NELL1: variants seen among roughly 807,000 people sequenced by gnomAD.
NELL1 encodes the protein neural EGFL like 1.
Under a neutral mutation model 107.4 loss-of-function variants are expected in NELL1, and 76 were observed. That is an observed-to-expected ratio of 0.71 (90% CI 0.59 to 0.86). The LOEUF is 0.86. Ranked by LOEUF, NELL1 falls within the 40% of genes least tolerant of loss-of-function variation. NELL1 has a pLI of 0.00. For missense variants in NELL1, 1,024 were observed against 1,005.5 expected (o/e 1.02, Z -0.25); for synonymous variants, 353 against 341.2 (o/e 1.03, Z -0.38).
At chr11:21,451,675 T>A (rs1590942714) in intron 15 of NELL1, among the ~76,000 whole-genome samples, 2 of 152,218 alleles carry the variant, frequency 1.3e-5, no homozygotes, top group Non-Finnish European at 2.9e-5. Context: ...AATGATTAAA[T>A]GTAGACTGAA....
chr11:21,386,989 G>A (rs562862218), intron 15 of NELL1, among the ~76,000 whole-genome samples: 2 of 151,830 alleles, frequency 1.3e-5, no homozygotes, highest in South Asian at 2.1e-4. Context: ...AATCCAGAAG[G>A]TGAGCATTGA....
At chr11:21,268,075 C>A (rs10833485) in intron 14 of NELL1, among the ~76,000 whole-genome samples, 29,207 of 152,038 alleles carry the variant, frequency 0.19, 3,463 homozygotes, top group East Asian at 0.4. Flanking sequence ...TGCTGCCCCC[C>A]AAACTGGAAA....
At chr11:20,878,285 T>G (rs372320935) in intron 4 of NELL1, among the ~76,000 whole-genome samples, 14 of 134,056 alleles carry the variant, frequency 1.0e-4, no homozygotes, top group African/African-American at 2.7e-4. Context: ...TGTGAACCCG[T>G]GAGGTGGAGC....
chr11:20,929,863 T>G (rs1850580220), intron 9 of NELL1, among the ~76,000 whole-genome samples: 1 of 151,800 alleles, frequency 6.6e-6, no homozygotes, highest in Non-Finnish European at 1.5e-5. Flanking sequence ...TTCCAGCTAT[T>G]CTGGAGGCTG....
chr11:21,034,659 A>G (rs1853044734), intron 12 of NELL1, among the ~76,000 whole-genome samples: 1 of 152,192 alleles, frequency 6.6e-6, no homozygotes. Flanking sequence ...TTGGGTAAAT[A>G]ATGAAATTAA....
intron 9 of NELL1, among the ~76,000 whole-genome samples, chr11:20,936,148 C>T (rs755061544): frequency 1.6e-4 from 25 of 152,202 alleles, no homozygotes; most frequent in Admixed American, 9.2e-4. Flanking sequence ...CAGCAAATGC[C>T]GAACTCATTC....
At chr11:21,312,766 A>G (rs1203732377) in intron 14 of NELL1, among the ~76,000 whole-genome samples, 2 of 152,190 alleles carry the variant, frequency 1.3e-5, no homozygotes, top group Non-Finnish European at 2.9e-5. Context: ...AGTGAAATAG[A>G]CAGGAATGGA....
At chr11:21,226,921 T>C (rs1857908169) in intron 13 of NELL1, among the ~76,000 whole-genome samples, 1 of 152,002 alleles carries the variant, frequency 6.6e-6, no homozygotes, top group Non-Finnish European at 1.5e-5. Flanking sequence ...CGAAACAACA[T>C]GAAAAACTAG....
intron 12 of NELL1, among the ~76,000 whole-genome samples, chr11:21,024,468 C>T (rs1852770166): frequency 6.6e-6 from 1 of 152,094 alleles, no homozygotes; most frequent in Admixed American, 6.6e-5. Context: ...CCAATTCTAC[C>T]ACTTTGAAGT....
At chr11:21,515,421 TG>T (rs1855533193) in intron 15 of NELL1, among the ~76,000 whole-genome samples, 1 of 152,144 alleles carries the variant, frequency 6.6e-6, no homozygotes, top group African/African-American at 2.4e-5. Flanking sequence ...TAATTCTCTG[TG>T]GGGGGCCTTC....
intron 6 of NELL1, among the ~76,000 whole-genome samples, chr11:20,918,820 A>C (rs1190061102): frequency 1.3e-5 from 2 of 151,960 alleles, no homozygotes; most frequent in African/African-American, 4.8e-5. Context: ...ATTGAACTAA[A>C]ATTTGAAAAG....
intron 13 of NELL1, among the ~76,000 whole-genome samples, chr11:21,125,296 G>A (rs889331669): frequency 6.6e-6 from 1 of 152,034 alleles, no homozygotes; most frequent in Non-Finnish European, 1.5e-5. Context: ...CATACATTCC[G>A]GTCTTCCCCC....
chr11:21,450,803 A>G (rs924001437), intron 15 of NELL1, among the ~76,000 whole-genome samples: 2 of 151,680 alleles, frequency 1.3e-5, no homozygotes, highest in African/African-American at 4.9e-5. Context: ...CTTAACATTA[A>G]TATAATATTT....
At chr11:21,344,281 G>C (rs1850638604) in intron 14 of NELL1, among the ~76,000 whole-genome samples, 1 of 152,184 alleles carries the variant, frequency 6.6e-6, no homozygotes, top group Admixed American at 6.5e-5. Flanking sequence ...CTGGTAGAGA[G>C]ATTTCAGCAG....
At chr11:21,275,194 G>C (rs560699704) in intron 14 of NELL1, among the ~76,000 whole-genome samples, 1 of 151,780 alleles carries the variant, frequency 6.6e-6, no homozygotes. Context: ...TCAAATAGAC[G>C]CAATAAAAAA....
At chr11:20,779,923 A>G (rs1338042682) in intron 2 of NELL1, among the ~76,000 whole-genome samples, 2 of 152,198 alleles carry the variant, frequency 1.3e-5, no homozygotes, top group Admixed American at 6.5e-5. Flanking sequence ...GCAAAACTCA[A>G]AGTGATCTCA....
chr11:20,844,718 A>G (rs766310860), intron 3 of NELL1, among the ~76,000 whole-genome samples: 7 of 152,334 alleles, frequency 4.6e-5, no homozygotes, highest in Admixed American at 3.9e-4. Context: ...GCATACTACT[A>G]TAGTGCTTCT....
chr11:21,103,935 A>G (rs1308494916), intron 12 of NELL1, among the ~76,000 whole-genome samples: 1 of 152,188 alleles, frequency 6.6e-6, no homozygotes, highest in Non-Finnish European at 1.5e-5. Flanking sequence ...CTGGATTGAT[A>G]CAGCTTCTGT....
At chr11:21,219,878 G>A (rs1005593147) in intron 13 of NELL1, among the ~76,000 whole-genome samples, 4 of 152,094 alleles carry the variant, frequency 2.6e-5, no homozygotes, top group Admixed American at 6.5e-5. Context: ...CAGTTCTGCA[G>A]GCTGTACAGG....
Sources: allele counts gnomAD v4.1 joint callset (sites outside exome capture counted in the v4.1 genomes callset), GRCh38; gene constraint gnomAD v4.1.1; transcripts MANE v1.5; gene names NCBI Gene and HGNC (gene_info 2026-07-23, HGNC 2026-07-21).